The following RNF125 variants were observed in gnomAD, a reference collection of about 807,000 sequenced individuals.
RNF125 encodes E3 ubiquitin-protein ligase RNF125.
In RNF125, 21 loss-of-function variants were observed where a neutral mutation model predicts 26.0. That is an observed-to-expected ratio of 0.81 (90% CI 0.57 to 1.16). The LOEUF (loss-of-function observed/expected upper bound fraction) is 1.16. Ranked by LOEUF, RNF125 falls within the 50% of genes most tolerant of loss-of-function variation. The probability of loss-of-function intolerance (pLI) is 0.00; values close to 1 mark genes in which losing one functional copy is unlikely to be tolerated. For synonymous variants in RNF125, 95 were observed against 109.2 expected (o/e 0.87, Z 0.81); for missense variants, 270 against 299.4 (o/e 0.90, Z 0.72).
chr18:32,090,263 AAGTG>A, the RNF125 span, among the ~76,000 whole-genome samples: 1 of 152,146 alleles, frequency 6.6e-6, no homozygotes, highest in Non-Finnish European at 1.5e-5. Flanking sequence ...AAAAGAAAAA[AAGTG>A]AGTTTTCTTC....
chr18:32,037,120 T>A lies in RNF125; in HGVS notation c.169T>A (p.Cys57Ser). 1 of 1,602,684 alleles carries A rather than the reference T, an allele frequency of 6.2e-7. No individual in the cohort carries two copies. The highest frequency in any genetic ancestry group is 8.5e-7 in the Non-Finnish European group (1 of 1,175,788). Residue 57 changes from cysteine to serine, a missense_variant, in exon 2 of 6, where the codon TGC becomes AGC. Coordinates refer to ENST00000217740, the MANE Select transcript of RNF125 (RefSeq NM_017831.4). ...PVRTRCGHVF[C>S]RSCIATSLKN... ...TTTTTGGTCTGTTTGGGGTAGATTC[T>A]GCCGTTCCTGTATTGCTACCAGTCT...
chr18:32,029,500 C>T (rs1304759266), intron 1 of RNF125, among the ~76,000 whole-genome samples: 1 of 150,882 alleles, frequency 6.6e-6, no homozygotes, highest in Non-Finnish European at 1.5e-5. Context: ...GTGGGGCATG[C>T]CTGTAGTCCC....
Position 32,045,751 on chromosome 18 carries a change from T to A in RNF125, c.504+19T>A. The A allele has an allele frequency of 6.6e-7, 1 of 1,504,244 alleles. No homozygotes were observed. Among genetic ancestry groups the A allele is most frequent in the Non-Finnish European group, 9.2e-7 (1 of 1,082,312 alleles). 93.2% of individuals were successfully genotyped at this position (1,504,244 alleles called of 1,614,324 possible). A position where few individuals can be genotyped will look rare whatever the true frequency, so the allele number is the denominator to read the frequency against. Reference sequence around the variant, plus strand: ...GCCTGTGGTAAGGATTTTTGTTACATGTATTACAGCAATGTCTGAATTCAG... The same window carrying A: ...GCCTGTGGTAAGGATTTTTGTTACAAGTATTACAGCAATGTCTGAATTCAG... On this transcript the variant is annotated intron_variant, in intron 4 of 5. Coordinates refer to ENST00000217740, the MANE Select transcript of RNF125 (RefSeq NM_017831.4).
intron 4 of RNF125, among the ~76,000 whole-genome samples, chr18:32,064,806 G>A (rs2039469168): frequency 6.6e-6 from 1 of 152,082 alleles, no homozygotes; most frequent in African/African-American, 2.4e-5. Context: ...GATTACAGGA[G>A]TGAGCCACCG....
intron 1 of RNF125, among the ~76,000 whole-genome samples, chr18:32,031,744 G>C (rs2039099054): frequency 6.6e-6 from 1 of 152,088 alleles, no homozygotes; most frequent in South Asian, 2.1e-4. Context: ...AATTAGCTGA[G>C]ATAGAAAGAA....
intron 2 of RNF125, among the ~76,000 whole-genome samples, chr18:32,041,560 G>C (rs933350437): frequency 1.3e-5 from 2 of 148,774 alleles, no homozygotes; most frequent in African/African-American, 2.5e-5. Flanking sequence ...TTATGTAATG[G>C]CATGCAAAAG....
Position 32,018,945 on chromosome 18 carries a change from C to G in RNF125, c.82C>G (p.Pro28Ala). The change falls in exon 1 of 6, where the codon CCG becomes GCG. Residue 28 changes from proline to alanine, a missense_variant. By Grantham distance (27) the Pro-to-Ala change is conservative. Transcript: ENST00000217740. ...GCGGGCCCTGGAGCGCAGGAGGGAC[C>G]CGGAGTTGCCCGTCACGTCCTTCGA... ...TARALERRRD[P>A]ELPVTSFDCA... The G allele has an allele frequency of 6.2e-7, 1 of 1,613,566 alleles. No homozygotes were observed. The highest frequency in any genetic ancestry group is 8.5e-7 in the Non-Finnish European group (1 of 1,179,818).
intron 1 of RNF125, among the ~76,000 whole-genome samples, chr18:32,027,059 TA>T (rs1476122043): frequency 2.0e-5 from 3 of 152,214 alleles, no homozygotes; most frequent in African/African-American, 7.2e-5. Context: ...GTCATACAAA[TA>T]TAAATTCAAA....
the RNF125 span, among the ~76,000 whole-genome samples, chr18:32,088,287 T>C: frequency 6.6e-6 from 1 of 152,128 alleles, no homozygotes. Flanking sequence ...TACCAAAGGG[T>C]AGAGAGTGAA....
intron 3 of RNF125, among the ~76,000 whole-genome samples, 190 bp downstream of exon 3, chr18:32,042,463 T>A (rs1002674785): frequency 1.3e-5 from 2 of 152,314 alleles, no homozygotes; most frequent in African/African-American, 4.8e-5. Flanking sequence ...CTGTCTACTT[T>A]AAAAATTTCC....
chr18:32,029,462 GAAAAA>G (rs61164382), intron 1 of RNF125, among the ~76,000 whole-genome samples: 1 of 112,416 alleles, frequency 8.9e-6, no homozygotes, highest in Non-Finnish European at 1.9e-5. Flanking sequence ...CGTCTGTACA[GAAAAA>G]AAAAAAAAAA....
intron 1 of RNF125, among the ~76,000 whole-genome samples, chr18:32,020,764 C>T (rs981966301): frequency 6.6e-6 from 1 of 151,482 alleles, no homozygotes; most frequent in Non-Finnish European, 1.5e-5. Flanking sequence ...CAAAAATTAG[C>T]CAGGTGTGGT....
chr18:32,057,609 A>G (rs2039398115), intron 4 of RNF125, among the ~76,000 whole-genome samples: 1 of 152,110 alleles, frequency 6.6e-6, no homozygotes, highest in African/African-American at 2.4e-5. Flanking sequence ...TGCTGGGATT[A>G]CAGGCATGAG....
At chr18:32,061,820 C>T (rs1374790682) in intron 4 of RNF125, among the ~76,000 whole-genome samples, 1 of 152,232 alleles carries the variant, frequency 6.6e-6, no homozygotes, top group Non-Finnish European at 1.5e-5. Flanking sequence ...ATAATAATGG[C>T]AGCTAAAGAC....
intron 1 of RNF125, among the ~76,000 whole-genome samples, chr18:32,021,084 G>GTT (rs2038981739): frequency 6.6e-6 from 1 of 152,090 alleles, no homozygotes; most frequent in Non-Finnish European, 1.5e-5. Flanking sequence ...TCGTAGCTGT[G>GTT]TTTTCTTTTC....
intron 4 of RNF125, among the ~76,000 whole-genome samples, chr18:32,056,559 T>C (rs114054478): frequency 0.029 from 4,238 of 146,020 alleles, 199 homozygotes; most frequent in African/African-American, 0.1. Context: ...GAGATTGCGT[T>C]GCAGTGAGCC....
At chr18:32,067,185 G>A (rs570010456) in intron 5 of RNF125, among the ~76,000 whole-genome samples, 3 of 152,284 alleles carry the variant, frequency 2.0e-5, no homozygotes, top group Admixed American at 6.5e-5. Context: ...CTCGGGAGGC[G>A]GAGCTTGCAG....
intron 4 of RNF125, among the ~76,000 whole-genome samples, chr18:32,057,381 CT>C (rs201614424): frequency 0.019 from 2,871 of 148,624 alleles, 27 homozygotes; most frequent in Non-Finnish European, 0.028. Flanking sequence ...GTTGCCTAGG[CT>C]GGAGTGTAGT....
chr18:32,034,917 A>AAT (rs1443904178), intron 1 of RNF125, among the ~76,000 whole-genome samples: 4 of 151,808 alleles, frequency 2.6e-5, no homozygotes, highest in Non-Finnish European at 5.9e-5. Flanking sequence ...AAAAAAAAAA[A>AAT]ATTACCATAC....
Sources: gnomAD v4.1 joint callset for allele counts (sites outside exome capture counted in the v4.1 genomes callset) on GRCh38, gnomAD v4.1.1 for gene constraint, MANE v1.5 for transcripts, NCBI Gene and HGNC (gene_info 2026-07-23, HGNC 2026-07-21) for gene names.